Variants in CREBBP observed in about 807,000 individuals in gnomAD.
CREBBP encodes CREB binding lysine acetyltransferase, also known as CREB-binding protein.
A neutral mutation model predicts 265.0 loss-of-function variants in CREBBP; 19 were observed. The observed-to-expected ratio is 0.07, with a 90% confidence interval of 0.05 to 0.11. The LOEUF (loss-of-function observed/expected upper bound fraction) is 0.11, where lower values mean the gene tolerates loss of function less well. CREBBP is among the 10% of genes least tolerant of loss of function. CREBBP has a pLI of 1.00. For synonymous variants in CREBBP, 1,457 were observed against 1,223.7 expected, an observed-to-expected ratio of 1.19 and a Z score of -3.98; for missense variants, 2,525 against 3,219.0, an observed-to-expected ratio of 0.78 and a Z score of 5.22.
chr16:3,841,725 C>G (rs911308156), intron 2 of CREBBP, among the ~76,000 whole-genome samples: 5 of 152,126 alleles, frequency 3.3e-5, no homozygotes, highest in Non-Finnish European at 5.9e-5. Context: ...CAACTTGGTT[C>G]TATTAATTCT....
chr16:3,806,457 A>AC, intron 3 of CREBBP, among the ~76,000 whole-genome samples: 1 of 152,148 alleles, frequency 6.6e-6, no homozygotes, highest in African/African-American at 2.4e-5. Context: ...AGTTCTTAAA[A>AC]AAAAAAAAAA....
At chr16:3,767,574 C>T (rs891256817) in intron 16 of CREBBP, 146 bp downstream of exon 16, 18 of 1,082,720 alleles carry the variant, frequency 1.7e-5, no homozygotes, top group Non-Finnish European at 1.5e-5. Flanking sequence ...AGTGTTTCTG[C>T]AGGGGAAAGT....
intron 2 of CREBBP, among the ~76,000 whole-genome samples, chr16:3,849,448 T>TGGG (rs1567360685): frequency 2.0e-5 from 1 of 50,360 alleles, no homozygotes; most frequent in Non-Finnish European, 5.2e-5. Flanking sequence ...TGTGTGTGTG[T>TGGG]GTGTGTGTGT....
intron 2 of CREBBP, among the ~76,000 whole-genome samples, chr16:3,825,784 T>A (rs563299668): frequency 7.2e-5 from 11 of 152,332 alleles, no homozygotes; most frequent in Admixed American, 5.9e-4. Context: ...GAGACAAAGT[T>A]TTCATTAAAA....
At position 3,727,919 on chromosome 16, in the gene CREBBP, G is replaced by C. The variant is rs2151299098; in HGVS notation, c.7128C>G (p.Val2376=). The change falls in exon 31 of 31, where the codon GTC becomes GTG. Residue 2376 remains valine (V), a synonymous_variant. Transcript: ENST00000262367. ...RIQPQPSPHH[V]SPQTGSPHPG... is the part of the protein sequence containing the mutation. Reference sequence around the variant, plus strand: ...GGTGGGGGGAACCAGTCTGGGGTGAGACGTGGTGTGGCGAAGGCTGGGGCT... The same window carrying C: ...GGTGGGGGGAACCAGTCTGGGGTGACACGTGGTGTGGCGAAGGCTGGGGCT... 1.2e-6 allele frequency: 2 copies of C among 1,611,206 alleles called. No individual in the cohort carries two copies. The highest frequency in any genetic ancestry group is 8.5e-7 in the Non-Finnish European group (1 of 1,178,054).
intron 13 of CREBBP, among the ~76,000 whole-genome samples, chr16:3,772,324 C>T (rs2053031648): frequency 9.6e-6 from 1 of 104,516 alleles, no homozygotes; most frequent in South Asian, 3.6e-4. Flanking sequence ...CTCTCTGAAA[C>T]ACAAACACAC....
At chr16:3,773,486 G>C (rs1325013853) in intron 13 of CREBBP, 1 of 487,566 alleles carries the variant, frequency 2.1e-6, no homozygotes, top group African/African-American at 2.0e-5. Context: ...AAAACTCAAA[G>C]ATCAAAACAC....
rs753192214 is a variant in CREBBP at position 3,728,209 on chromosome 16, C to T, written c.6838G>A (p.Gly2280Arg). ...QLGQMGQPGLGADSTPNIQQA... is the reference protein window; with the variant it reads ...QLGQMGQPGLRADSTPNIQQA... ...TGGATGTTGGGGGTGCTGTCTGCCC[C>T]CAGCCCCGGCTGCCCCATCTGGCCA... Residue 2280 changes from glycine (G) to arginine (R), a missense_variant, in exon 31 of 31, where the codon GGG (glycine) becomes AGG (arginine). Physicochemically the swap from Gly to Arg is moderately radical, Grantham distance 125. Transcript: ENST00000262367. This position sits in a 1 kb window ranked among gnomAD's most constrained non-coding sequence, Gnocchi z 8.7. 1.9e-6 allele frequency: 3 copies of T among 1,613,780 alleles called. No homozygotes were observed. Among genetic ancestry groups the T allele is most frequent in the Non-Finnish European group, 2.5e-6 (3 of 1,180,002 alleles).
chr16:3,875,341 G>A (rs747184814), intron 1 of CREBBP, among the ~76,000 whole-genome samples: 1 of 152,166 alleles, frequency 6.6e-6, no homozygotes, highest in South Asian at 2.1e-4. Context: ...GTCATGAAAT[G>A]TCCTAGTCCT....
chr16:3,849,443 G>GTGCGTGACCT (rs2054765136), intron 2 of CREBBP, among the ~76,000 whole-genome samples: 1 of 20,022 alleles, frequency 5.0e-5, no homozygotes, highest in African/African-American at 8.8e-5. Flanking sequence ...GTGTGTGTGT[G>GTGCGTGACCT]TGTGTGTGTG....
intron 19 of CREBBP, among the ~76,000 whole-genome samples, chr16:3,753,857 C>T (rs1291749666): frequency 6.6e-6 from 1 of 152,174 alleles, no homozygotes; most frequent in Non-Finnish European, 1.5e-5. Flanking sequence ...CCGTTCAAGA[C>T]ATTCTGAAAT....
At position 3,757,952 on chromosome 16, in the gene CREBBP, C is replaced by T. The variant is rs755945995; in HGVS notation, c.3466G>A (p.Asp1156Asn). ...QYQEPWQYVD[D>N]VWLMFNNAWL... Reference sequence around the variant, plus strand: ...GCATTGTTGAACATGAGCCAGACGTCGTCCACGTACTGCCAGGGCTCTTGG... The same window carrying T: ...GCATTGTTGAACATGAGCCAGACGTTGTCCACGTACTGCCAGGGCTCTTGG... Residue 1156 changes from aspartate to asparagine, a missense_variant, in exon 18 of 31, where the codon GAC becomes AAC. Physicochemically the swap from Asp to Asn is conservative, Grantham distance 23 (BLOSUM62 1). Coordinates refer to ENST00000262367, the MANE Select transcript of CREBBP (RefSeq NM_004380.3). 1.2e-6 allele frequency: 2 copies of T among 1,613,774 alleles called. No individual in the cohort carries two copies. The highest frequency in any genetic ancestry group is 2.2e-5 in the East Asian group (1 of 44,872).
intron 2 of CREBBP, among the ~76,000 whole-genome samples, chr16:3,849,416 T>C (rs2054740845): frequency 3.2e-4 from 2 of 6,284 alleles, no homozygotes; most frequent in Non-Finnish European, 3.1e-3. Context: ...TGTGTGTGTG[T>C]GTGTGTGTGT....
intron 2 of CREBBP, among the ~76,000 whole-genome samples, chr16:3,843,774 A>G (rs2054610505): frequency 6.6e-6 from 1 of 152,134 alleles, no homozygotes; most frequent in African/African-American, 2.4e-5. Context: ...TCAGGCCCAC[A>G]TCACTGTAAG....
At position 3,778,032 on chromosome 16, in the gene CREBBP, C is replaced by T. The variant is rs1435888013; in HGVS notation, c.2092G>A (p.Ala698Thr). The change falls in exon 10 of 31, where the codon GCA (alanine) becomes ACA (threonine). Residue 698 changes from alanine (A) to threonine (T), a missense_variant. Physicochemically the swap from Ala to Thr is moderately conservative, Grantham distance 58. This residue lies in a region of CREBBP where 548 missense variants were observed against 533.0 expected (regional missense o/e 1.03). Coordinates refer to ENST00000262367, the MANE Select transcript of CREBBP (RefSeq NM_004380.3). ...TTACTTGGAGGTCTCACAGGTTGTG[C>T]CTGTGGAATCACAGGGGGCTGAGCC... ...PGAQPPVIPQ[A>T]QPVRPPNGPL... The T allele has an allele frequency of 1.2e-6, 2 of 1,614,046 alleles. No homozygotes were observed. The highest frequency in any genetic ancestry group is 1.7e-6 in the Non-Finnish European group (2 of 1,180,006).
intron 2 of CREBBP, among the ~76,000 whole-genome samples, chr16:3,814,375 CT>C (rs1490610527): frequency 1.3e-5 from 2 of 152,084 alleles, no homozygotes. Flanking sequence ...GTGTCTCAGC[CT>C]CCCAAGTAGT....
intron 2 of CREBBP, among the ~76,000 whole-genome samples, chr16:3,836,198 G>C (rs1470442647): frequency 6.6e-6 from 1 of 152,068 alleles, no homozygotes; most frequent in East Asian, 2.0e-4. Context: ...CACTTTGGGA[G>C]GCTGAGGTGG....
intron 1 of CREBBP, among the ~76,000 whole-genome samples, chr16:3,871,837 G>C (rs2055306031): frequency 6.6e-6 from 1 of 152,166 alleles, no homozygotes; most frequent in Non-Finnish European, 1.5e-5. Flanking sequence ...GGTTGAATTA[G>C]GTGCAACTGG....
At chr16:3,796,496 C>G (rs1054890067) in intron 3 of CREBBP, among the ~76,000 whole-genome samples, 2 of 152,014 alleles carry the variant, frequency 1.3e-5, no homozygotes, top group African/African-American at 4.8e-5. Context: ...AAGCGATTCT[C>G]CTGCCTCAGC....
Sources: gnomAD v4.1 joint callset for allele counts (sites outside exome capture counted in the v4.1 genomes callset) on GRCh38, gnomAD v4.1.1 for gene constraint, gnomAD v4.1.1 regional missense constraint, Gnocchi (gnomAD v3.1) non-coding constraint, MANE v1.5 for transcripts, NCBI Gene and HGNC (gene_info 2026-07-23, HGNC 2026-07-21) for gene names.